Variants in ICA1L observed in about 807,000 individuals in gnomAD.
The protein encoded by ICA1L is islet cell autoantigen 1 like.
ICA1L carries 50 observed loss-of-function variants against 61.3 expected under a neutral mutation model. The observed-to-expected ratio is 0.82, with a 90% confidence interval of 0.65 to 1.03. The LOEUF is 1.03. Ranked by LOEUF, ICA1L falls within the 50% of genes least tolerant of loss-of-function variation. The pLI is 0.00. For synonymous variants in ICA1L, 161 were observed against 191.3 expected (o/e 0.84, Z 1.31); for missense variants, 508 against 556.7 (o/e 0.91, Z 0.88).
At chr2:202,846,271 A>T in intron 1 of ICA1L, among the ~76,000 whole-genome samples, 1 of 151,090 alleles carries the variant, frequency 6.6e-6, no homozygotes. Flanking sequence ...TTTTTTAGAC[A>T]AGATCTTGCT....
intron 7 of ICA1L, among the ~76,000 whole-genome samples, chr2:202,815,407 G>T (rs906962119): frequency 2.0e-5 from 3 of 152,104 alleles, no homozygotes; most frequent in Non-Finnish European, 4.4e-5. Context: ...AAGTTAAAAG[G>T]TACTGAAACC....
intron 7 of ICA1L, among the ~76,000 whole-genome samples, 168 bp from the exon 8 acceptor site, chr2:202,814,952 G>A (rs1693488716): frequency 6.6e-6 from 1 of 152,250 alleles, no homozygotes; most frequent in Non-Finnish European, 1.5e-5. Context: ...CTGAGCTACT[G>A]AGCTTCATAC....
At chr2:202,816,090 G>A in intron 6 of ICA1L, 81 bp from the exon 7 acceptor site, 1 of 834,840 alleles carries the variant, frequency 1.2e-6, no homozygotes, top group Non-Finnish European at 1.8e-6. Flanking sequence ...TACTAGTTTA[G>A]TAGATGAACA....
intron 1 of ICA1L, among the ~76,000 whole-genome samples, chr2:202,857,558 G>A (rs148318078): frequency 3.6e-4 from 55 of 152,280 alleles, no homozygotes; most frequent in African/African-American, 1.3e-3. Flanking sequence ...TCAGGACATA[G>A]GAATGAGCAA....
At chr2:202,797,451 T>G (rs1425480621) in intron 9 of ICA1L, among the ~76,000 whole-genome samples, 1 of 152,248 alleles carries the variant, frequency 6.6e-6, no homozygotes, top group Non-Finnish European at 1.5e-5. Context: ...TTTTGATATA[T>G]GTAATACATT....
At chr2:202,870,064 G>A (rs923835343) in intron 1 of ICA1L, among the ~76,000 whole-genome samples, 6 of 152,028 alleles carry the variant, frequency 3.9e-5, no homozygotes, top group Admixed American at 2.6e-4. Flanking sequence ...AATTTTAAAG[G>A]AAGCGCAGTG....
intron 1 of ICA1L, among the ~76,000 whole-genome samples, chr2:202,850,162 G>A (rs1053945197): frequency 6.6e-6 from 1 of 151,992 alleles, no homozygotes; most frequent in African/African-American, 2.4e-5. Flanking sequence ...AAAGATCAAA[G>A]GTAGATAAAT....
intron 11 of ICA1L, among the ~76,000 whole-genome samples, chr2:202,787,500 A>G (rs1192761405): frequency 2.0e-5 from 3 of 152,256 alleles, no homozygotes; most frequent in African/African-American, 7.2e-5. Context: ...TCCCAGATAG[A>G]GTGCCTCTTT....
intron 9 of ICA1L, among the ~76,000 whole-genome samples, chr2:202,811,252 T>G (rs904902643): frequency 1.3e-5 from 2 of 152,100 alleles, no homozygotes; most frequent in African/African-American, 4.8e-5. Flanking sequence ...CCTTTATTTC[T>G]CAGACCAGCC....
intron 1 of ICA1L, among the ~76,000 whole-genome samples, chr2:202,855,987 T>C (rs990071415): frequency 1.4e-5 from 2 of 147,478 alleles, no homozygotes; most frequent in African/African-American, 5.0e-5. Context: ...GGCAGAGAAC[T>C]GGTTGAATCC....
At chr2:202,782,534 A>T (rs1364083381) in intron 12 of ICA1L, among the ~76,000 whole-genome samples, 5 of 151,108 alleles carry the variant, frequency 3.3e-5, no homozygotes, top group African/African-American at 1.2e-4. Flanking sequence ...TCAGCCTCCC[A>T]AGTAGCTGGG....
intron 9 of ICA1L, among the ~76,000 whole-genome samples, chr2:202,799,974 T>A (rs1293959719): frequency 6.6e-6 from 1 of 151,782 alleles, no homozygotes; most frequent in East Asian, 1.9e-4. Context: ...GCCTCCCAGG[T>A]TTAAGCGATT....
Position 202,828,917 on chromosome 2 carries a change from G to T in ICA1L, c.93C>A (p.Ile31=). ...CATCCTCTTTTTTTCCTGTTGCTTT[G>T]ATAAAGACCTGTTTAGTTTTCCAGT... ...KKYWKTKQVF[I]KATGKKEDEH... is the part of the protein sequence containing the mutation. The change falls in exon 2 of 13, where the codon ATC becomes ATA. Residue 31 remains isoleucine, a synonymous_variant. Transcript: ENST00000358299. 6.2e-7 allele frequency: 1 copy of T among 1,613,488 alleles called. No individual in the cohort carries two copies. Among genetic ancestry groups the T allele is most frequent in the Non-Finnish European group, 8.5e-7 (1 of 1,179,764 alleles).
At chr2:202,811,856 A>C in intron 8 of ICA1L, 67 bp from the exon 9 acceptor site, 2 of 1,164,222 alleles carry the variant, frequency 1.7e-6, no homozygotes, top group Non-Finnish European at 2.5e-6. Flanking sequence ...TATTCCCCAA[A>C]CAGTTTTATA....
intron 3 of ICA1L, 164 bp downstream of exon 3, chr2:202,825,531 G>A: frequency 7.4e-7 from 1 of 1,347,550 alleles, no homozygotes; most frequent in Non-Finnish European, 9.5e-7. Context: ...ACTGAGGAAA[G>A]AAGAGAGAAT....
At chr2:202,840,909 G>C (rs571973667) in intron 1 of ICA1L, 1 of 713,996 alleles carries the variant, frequency 1.4e-6, no homozygotes, top group South Asian at 1.4e-5. Context: ...CCCAGCCAGC[G>C]TCTGCAGTTC....
At chr2:202,786,560 A>C (rs1328011272) in intron 11 of ICA1L, 2 of 249,016 alleles carry the variant, frequency 8.0e-6, no homozygotes, top group African/African-American at 4.6e-5. Context: ...CGTCTCAAAA[A>C]AAAAATAATA....
At chr2:202,837,785 CTT>C (rs1039244155) in intron 1 of ICA1L, among the ~76,000 whole-genome samples, 1 of 151,796 alleles carries the variant, frequency 6.6e-6, no homozygotes, top group Non-Finnish European at 1.5e-5. Flanking sequence ...AAACTTCTCT[CTT>C]CGAACTTCTT....
chr2:202,781,579 A>T (rs1692407364), intron 12 of ICA1L, among the ~76,000 whole-genome samples: 1 of 151,572 alleles, frequency 6.6e-6, no homozygotes, highest in Non-Finnish European at 1.5e-5. Flanking sequence ...GTCTCAAAAA[A>T]AAAAAAAAAA....
Sources: gnomAD v4.1 joint callset for allele counts (sites outside exome capture counted in the v4.1 genomes callset) on GRCh38, gnomAD v4.1.1 for gene constraint, MANE v1.5 for transcripts, NCBI Gene and HGNC (gene_info 2026-07-23, HGNC 2026-07-21) for gene names.